Variants in TTC7A observed in about 807,000 individuals in gnomAD.
TTC7A encodes the protein tetratricopeptide repeat domain 7A.
Under a neutral mutation model 103.7 loss-of-function variants are expected in TTC7A, and 110 were observed. The ratio of observed to expected loss-of-function variants is 1.06; its 90% CI spans 0.91 to 1.24. The LOEUF (loss-of-function observed/expected upper bound fraction) is 1.24. TTC7A is among the 50% of genes most tolerant of loss of function. The probability of loss-of-function intolerance (pLI) is 0.00; values close to 1 mark genes in which losing one functional copy is unlikely to be tolerated. For synonymous variants in TTC7A, 521 were observed against 467.9 expected (o/e 1.11, Z -1.47); for missense variants, 1,340 against 1,116.3 (o/e 1.20, Z -2.86).
intron 19 of TTC7A, among the ~76,000 whole-genome samples, chr2:47,073,221 A>C (rs1684923398): frequency 6.6e-6 from 1 of 152,208 alleles, no homozygotes; most frequent in South Asian, 2.1e-4. Flanking sequence ...AGCTCTGGGC[A>C]GCAGGAAGGA....
At chr2:47,065,844 C>T (rs1374076521) in intron 19 of TTC7A, 6 of 152,202 alleles carry the variant, frequency 3.9e-5, no homozygotes, top group Admixed American at 6.5e-5. Context: ...ACTTGACACC[C>T]TCAAGCATGA....
At chr2:46,923,737 T>A (rs1219831993) in intron 2 of TTC7A, among the ~76,000 whole-genome samples, 1 of 140,766 alleles carries the variant, frequency 7.1e-6, no homozygotes, top group East Asian at 2.0e-4. Context: ...ATAGAAAAAC[T>A]TTTTTTTTTT....
intron 18 of TTC7A, among the ~76,000 whole-genome samples, chr2:47,059,841 T>C (rs1334874970): frequency 6.6e-6 from 1 of 152,130 alleles, no homozygotes; most frequent in African/African-American, 2.4e-5. Flanking sequence ...TGCCCAGTTT[T>C]TGCCCCTCTA....
intron 14 of TTC7A, 76 bp from the exon 15 acceptor site, chr2:47,029,148 T>C: frequency 6.4e-7 from 1 of 1,556,004 alleles, no homozygotes; most frequent in Non-Finnish European, 8.8e-7. Flanking sequence ...AGTGCCCTTG[T>C]TGACTGGCAC....
Position 46,941,915 on chromosome 2 carries a change from G to A in TTC7A, c.184+190G>A. 2.8e-6 allele frequency: 2 copies of A among 709,510 alleles called. No homozygotes were observed. The highest frequency in any genetic ancestry group is 2.3e-6 in the Non-Finnish European group (1 of 429,050). The allele number at this position is 709,510 out of a possible 1,614,324, so 44.0% of individuals were successfully genotyped here. ...GAGAAAAATCACATGTGGTTTGGGG[G>A]CTTGGAGGGAAGAGAAACGGCTTTT... On this transcript the variant is annotated intron_variant, in intron 1 of 19. Coordinates refer to ENST00000319190, the MANE Select transcript of TTC7A (RefSeq NM_020458.4). This position sits in a 1 kb window ranked among gnomAD's most constrained non-coding sequence, Gnocchi z 4.2.
intron 2 of TTC7A, among the ~76,000 whole-genome samples, chr2:46,929,277 A>G (rs1669568479): frequency 6.6e-6 from 1 of 152,046 alleles, no homozygotes; most frequent in Non-Finnish European, 1.5e-5. Flanking sequence ...TGAGGCCCAC[A>G]GTTCTGAGAC....
chr2:47,000,360 C>T (rs1286984281), intron 8 of TTC7A, among the ~76,000 whole-genome samples: 1 of 152,134 alleles, frequency 6.6e-6, no homozygotes, highest in East Asian at 1.9e-4. Context: ...TAACACAAGG[C>T]CCTGCTCTGC....
intron 16 of TTC7A, among the ~76,000 whole-genome samples, chr2:47,048,159 G>T (rs190820238): frequency 6.6e-6 from 1 of 152,272 alleles, no homozygotes; most frequent in East Asian, 1.9e-4. Flanking sequence ...CCTTCATGGA[G>T]CCACCAACCA....
intron 15 of TTC7A, among the ~76,000 whole-genome samples, chr2:47,034,880 T>TA (rs1235562895): frequency 1.3e-5 from 2 of 152,100 alleles, no homozygotes; most frequent in Admixed American, 1.3e-4. Flanking sequence ...ACAGGAATAA[T>TA]ATGGGCTTCC....
rs552318418 is a variant in TTC7A at position 46,966,940 on chromosome 2, C to T, written c.518-8033C>T. Among the ~76,000 whole-genome samples the T allele has an allele frequency of 5.8e-4, 87 of 150,224 alleles. 1 individual carries two copies. The highest frequency in any genetic ancestry group is 5.1e-3 in the South Asian group (24 of 4,736). On this transcript the variant is annotated intron_variant, in intron 3 of 19. Coordinates refer to ENST00000319190, the MANE Select transcript of TTC7A (RefSeq NM_020458.4). Reference sequence around the variant, plus strand: ...GTTAAAAAATTGTGTTGGCCGGGCGCGGTGGCTCATGCCTATAATCCCAGT... The same window carrying T: ...GTTAAAAAATTGTGTTGGCCGGGCGTGGTGGCTCATGCCTATAATCCCAGT...
chr2:46,983,223 G>A (rs1344449199), intron 5 of TTC7A, among the ~76,000 whole-genome samples: 1 of 152,200 alleles, frequency 6.6e-6, no homozygotes, highest in African/African-American at 2.4e-5. Context: ...CAAGGGTAGG[G>A]CCTGCCATGG....
Position 47,047,155 on chromosome 2 carries a change from C to T in TTC7A, c.1919+724C>T, listed in dbSNP as rs1417593807. 23 of 664,468 alleles carry T rather than the reference C, an allele frequency of 3.5e-5. No individual in the cohort carries two copies. The East Asian group carries it at 6.1e-4, about 18-fold the overall frequency. The allele number at this position is 664,468 out of a possible 1,614,324, so 41.2% of individuals were successfully genotyped here. ...AAGGGAAAGTGGGCCTCCTTCAGGTCAGGAGCCCTGCCTCTTCCTGATCCT... is the reference window on the plus strand; with the variant it reads ...AAGGGAAAGTGGGCCTCCTTCAGGTTAGGAGCCCTGCCTCTTCCTGATCCT... On this transcript the variant is annotated intron_variant, in intron 16 of 19. Coordinates refer to ENST00000319190, the MANE Select transcript of TTC7A (RefSeq NM_020458.4).
At chr2:47,061,526 C>G (rs1683780258) in intron 19 of TTC7A, among the ~76,000 whole-genome samples, 1 of 152,194 alleles carries the variant, frequency 6.6e-6, no homozygotes, top group Admixed American at 6.5e-5. Context: ...CCAGTAGCCC[C>G]TGGTCCTCAT....
chr2:46,965,502 C>G (rs1024106807), intron 3 of TTC7A, among the ~76,000 whole-genome samples: 1 of 151,580 alleles, frequency 6.6e-6, no homozygotes, highest in Non-Finnish European at 1.5e-5. Flanking sequence ...AGACCTGGAG[C>G]TAGTCGACAC....
intron 3 of TTC7A, among the ~76,000 whole-genome samples, chr2:46,964,322 T>C (rs546880264): frequency 6.6e-6 from 1 of 152,080 alleles, no homozygotes; most frequent in Non-Finnish European, 1.5e-5. Context: ...GGAGGTGCAG[T>C]GTAATCATAC....
chr2:47,063,590 G>A lies in TTC7A; in HGVS notation c.2355+2619G>A, dbSNP rs535552357. ...TTTGTGAACTCTGGAGGTTGGTACA[G>A]CCTTAGATAATTACCAAGAGAGGAA... On this transcript the variant is annotated intron_variant, in intron 19 of 19. Coordinates refer to ENST00000319190, the MANE Select transcript of TTC7A (RefSeq NM_020458.4). 2.0e-4 allele frequency among the ~76,000 whole-genome samples: 30 copies of A among 152,368 alleles called. No individual in the cohort carries two copies. The South Asian group carries it at 5.8e-3, about 29-fold the overall frequency.
chr2:47,042,893 G>C (rs1681914458), intron 15 of TTC7A, among the ~76,000 whole-genome samples: 3 of 152,190 alleles, frequency 2.0e-5, no homozygotes, highest in Admixed American at 6.5e-5. Flanking sequence ...AGGTAAGCAA[G>C]GGGAAGGGGA....
At chr2:47,062,945 C>T (rs1010842997) in intron 19 of TTC7A, among the ~76,000 whole-genome samples, 2 of 152,248 alleles carry the variant, frequency 1.3e-5, no homozygotes, top group Admixed American at 6.5e-5. Flanking sequence ...CAGTCGGCTT[C>T]TGCGTGGGCA....
At chr2:46,984,887 C>T (rs1384043758) in intron 5 of TTC7A, among the ~76,000 whole-genome samples, 3 of 152,120 alleles carry the variant, frequency 2.0e-5, no homozygotes, top group Admixed American at 6.5e-5. Flanking sequence ...CTGGGCAGCC[C>T]GTGGGTGTGT....
Sources: gnomAD v4.1 joint callset for allele counts (sites outside exome capture counted in the v4.1 genomes callset) on GRCh38, gnomAD v4.1.1 for gene constraint, Gnocchi (gnomAD v3.1) non-coding constraint, MANE v1.5 for transcripts, NCBI Gene and HGNC (gene_info 2026-07-23, HGNC 2026-07-21) for gene names.